EIF4G3: variants seen among roughly 807,000 people sequenced by gnomAD.
EIF4G3 encodes the protein eIF-4-gamma 3.
In EIF4G3, 34 loss-of-function variants were observed where a neutral mutation model predicts 186.4. That is an observed-to-expected ratio of 0.18 (90% CI 0.14 to 0.24). The LOEUF is 0.24. Ranked by LOEUF, EIF4G3 falls within the 10% of genes least tolerant of loss-of-function variation. The pLI, the probability that EIF4G3 is intolerant of heterozygous loss-of-function variation, is 1.00. For missense variants in EIF4G3, 1,536 were observed against 1,948.5 expected (o/e 0.79, Z 3.99); for synonymous variants, 673 against 679.5 (o/e 0.99, Z 0.15).
At chr1:21,132,623 A>G (rs1052080311) in intron 2 of EIF4G3, among the ~76,000 whole-genome samples, 1 of 151,936 alleles carries the variant, frequency 6.6e-6, no homozygotes, top group African/African-American at 2.4e-5. Flanking sequence ...ATTTTTTTGT[A>G]GAGATGGGGT....
At chr1:21,175,760 T>C (rs559188787) in intron 2 of EIF4G3, 2 of 152,742 alleles carry the variant, frequency 1.3e-5, no homozygotes, top group East Asian at 3.8e-4. Context: ...TGTCCCGCTG[T>C]AGGGGGAGCC....
At chr1:21,009,656 G>A (rs1273739441) in intron 4 of EIF4G3, among the ~76,000 whole-genome samples, 2 of 150,702 alleles carry the variant, frequency 1.3e-5, no homozygotes, top group East Asian at 3.9e-4. Context: ...TTTGGGGGGT[G>A]CTGGGGGGGT....
At chr1:21,152,372 A>C (rs1277685772) in intron 2 of EIF4G3, among the ~76,000 whole-genome samples, 14 of 146,974 alleles carry the variant, frequency 9.5e-5, no homozygotes, top group African/African-American at 3.5e-4. Flanking sequence ...ATTTTTAAAA[A>C]AATCTTTGGG....
At chr1:21,121,341 A>G (rs1177586640) in intron 2 of EIF4G3, among the ~76,000 whole-genome samples, 1 of 152,240 alleles carries the variant, frequency 6.6e-6, no homozygotes, top group African/African-American at 2.4e-5. Flanking sequence ...AAAATTACTC[A>G]AAAAGCAGAG....
At chr1:21,154,234 G>A (rs989612055) in intron 2 of EIF4G3, among the ~76,000 whole-genome samples, 13 of 152,096 alleles carry the variant, frequency 8.5e-5, no homozygotes, top group Admixed American at 7.9e-4. Context: ...TCTCTATATA[G>A]ATCACTAATG....
At chr1:21,043,870 C>CTAAAAAT (rs2093718379) in intron 4 of EIF4G3, among the ~76,000 whole-genome samples, 2 of 141,048 alleles carry the variant, frequency 1.4e-5, no homozygotes, top group African/African-American at 2.7e-5. Context: ...AACCTTGGCG[C>CTAAAAAT]AAAAAAAAAA....
intron 2 of EIF4G3, among the ~76,000 whole-genome samples, chr1:21,098,925 C>A (rs1189385229): frequency 6.6e-6 from 1 of 152,202 alleles, no homozygotes; most frequent in African/African-American, 2.4e-5. Context: ...GCACGACCCA[C>A]TGTGCCTAGC....
chr1:21,170,619 C>T (rs529299676), intron 2 of EIF4G3, among the ~76,000 whole-genome samples: 1 of 151,800 alleles, frequency 6.6e-6, no homozygotes, highest in African/African-American at 2.4e-5. Context: ...TGCAGTGAGC[C>T]GAGACTGCGC....
chr1:20,950,170 C>A (rs1046474797), intron 12 of EIF4G3, 59 bp from the exon 13 acceptor site: 7 of 1,302,320 alleles, frequency 5.4e-6, no homozygotes, highest in East Asian at 5.0e-5. Flanking sequence ...AAACTAGCAA[C>A]ATGGAACCCA....
At chr1:20,934,327 AAAGATACCATTT>A (rs1315361106) in intron 14 of EIF4G3, among the ~76,000 whole-genome samples, 1 of 152,194 alleles carries the variant, frequency 6.6e-6, no homozygotes, top group Non-Finnish European at 1.5e-5. Context: ...GTCAGAAGAA[AAAGATACCATTT>A]AAGTGGCAGC....
rs373400452 is a variant in EIF4G3 at position 20,932,818 on chromosome 1, GAC to G, written c.1663+8671_1663+8672del. Among the ~76,000 whole-genome samples the G allele has an allele frequency of 5.2e-3, 787 of 152,234 alleles. 7 individuals carry two copies. The highest frequency in any genetic ancestry group is 0.018 in the African/African-American group (756 of 41,536). On this transcript the variant is annotated intron_variant, in intron 14 of 36. Transcript: ENST00000602326. ...AATACTGTGAGAATTATCAAAATGT[GAC>G]AGAGACAGGAAGTGAGCACATGCTG... is the stretch of plus-strand genomic sequence containing the variant.
At chr1:21,053,515 C>T (rs1475014357) in intron 3 of EIF4G3, among the ~76,000 whole-genome samples, 4 of 146,388 alleles carry the variant, frequency 2.7e-5, no homozygotes, top group Non-Finnish European at 4.5e-5. Flanking sequence ...TCCCTCTGCC[C>T]GGCCAGCCGC....
intron 18 of EIF4G3, among the ~76,000 whole-genome samples, chr1:20,887,848 T>C (rs780253388): frequency 6.6e-6 from 1 of 152,070 alleles, no homozygotes; most frequent in Non-Finnish European, 1.5e-5. Flanking sequence ...GATAGAAAAA[T>C]GTGGTAATCA....
chr1:20,981,120 C>T lies in EIF4G3; in HGVS notation c.306G>A (p.Gln102=). The change falls in exon 9 of 37, where the codon CAG becomes CAA. Residue 102 remains glutamine (Q), a synonymous_variant. Transcript: ENST00000602326. ...QTPTAVYQAN[Q]HIMMVNHLPM... is the part of the protein sequence containing the mutation. ...GCAGATGGTTAACCATCATGATGTG[C>T]TGATTAGCCTGGTACACTGCAGTGG... is the stretch of plus-strand genomic sequence containing the variant. The T allele has an allele frequency of 6.2e-7, 1 of 1,613,550 alleles. No individual in the cohort carries two copies. The highest frequency in any genetic ancestry group is 8.5e-7 in the Non-Finnish European group (1 of 1,179,762).
intron 13 of EIF4G3, among the ~76,000 whole-genome samples, chr1:20,949,368 T>C (rs149720606): frequency 1.3e-5 from 2 of 152,232 alleles, no homozygotes; most frequent in South Asian, 2.1e-4. Flanking sequence ...TAGTGTACTA[T>C]TCCTTAATAC....
At chr1:21,025,182 T>A (rs1316321527) in intron 4 of EIF4G3, among the ~76,000 whole-genome samples, 1 of 152,014 alleles carries the variant, frequency 6.6e-6, no homozygotes, top group Non-Finnish European at 1.5e-5. Flanking sequence ...TAGAAGTGCA[T>A]GAGGTAGAGT....
At chr1:20,813,846 C>CAAAACAA (rs1278386056) in intron 34 of EIF4G3, among the ~76,000 whole-genome samples, 3 of 148,068 alleles carry the variant, frequency 2.0e-5, no homozygotes, top group Admixed American at 1.4e-4. Context: ...AACTCCATCT[C>CAAAACAA]AAAACAAAAA....
At chr1:21,036,825 G>A (rs1033483721) in intron 4 of EIF4G3, among the ~76,000 whole-genome samples, 1 of 152,164 alleles carries the variant, frequency 6.6e-6, no homozygotes, top group Non-Finnish European at 1.5e-5. Flanking sequence ...AGGTTGCAAT[G>A]AGCCAAGATC....
At chr1:20,961,787 T>G (rs1275103643) in intron 12 of EIF4G3, among the ~76,000 whole-genome samples, 1 of 152,232 alleles carries the variant, frequency 6.6e-6, no homozygotes, top group Middle Eastern at 3.2e-3. Context: ...GCTTTACATA[T>G]TATTGAAAAG....
Sources: gnomAD v4.1 joint callset for allele counts (sites outside exome capture counted in the v4.1 genomes callset) on GRCh38, gnomAD v4.1.1 for gene constraint, MANE v1.5 for transcripts, NCBI Gene and HGNC (gene_info 2026-07-23, HGNC 2026-07-21) for gene names.